The following ROBO1 variants were observed in gnomAD, a reference collection of about 807,000 sequenced individuals.
ROBO1 encodes the protein roundabout homolog 1.
ROBO1 carries 149 observed loss-of-function variants against 195.9 expected under a neutral mutation model. That is an observed-to-expected ratio of 0.76 (90% CI 0.67 to 0.87). ROBO1 has a LOEUF of 0.87. Among genes scored for constraint, ROBO1 ranks in the 40% least tolerant of loss-of-function variants. ROBO1 has a pLI of 0.00. For synonymous variants in ROBO1, 816 were observed against 733.2 expected (o/e 1.11, Z -1.82); for missense variants, 1,933 against 2,068.3 (o/e 0.93, Z 1.27).
Position 78,938,797 on chromosome 3 carries a change from C to A in ROBO1, c.303G>T (p.Trp101Cys). 6.2e-7 allele frequency: 1 copy of A among 1,614,002 alleles called. No homozygotes were observed. The highest frequency in any genetic ancestry group is 1.1e-5 in the South Asian group (1 of 91,086). The change falls in exon 4 of 31, where the codon TGG becomes TGT. Residue 101 changes from tryptophan to cysteine, a missense_variant. Around this residue, in one of 3 missense-constraint regions of ROBO1, gnomAD observed 185 missense variants for 159.5 expected, o/e 1.16. Coordinates refer to ENST00000464233, the MANE Select transcript of ROBO1 (RefSeq NM_002941.4). ...TCTCCACTCTCTCTCCCCCTTTGTA[C>A]CATTCAATAGTGGGTGTGGGGCGGC... Reference protein sequence around the residue: ...AEGRPTPTIEWYKGGERVETD... With the variant: ...AEGRPTPTIECYKGGERVETD...
intron 2 of ROBO1, among the ~76,000 whole-genome samples, chr3:79,257,488 G>A (rs367741449): frequency 1.2e-4 from 18 of 152,142 alleles, no homozygotes; most frequent in African/African-American, 4.1e-4. Flanking sequence ...GTGAATCTTC[G>A]GTTTGTACTA....
intron 3 of ROBO1, among the ~76,000 whole-genome samples, chr3:79,064,417 A>G (rs1431489732): frequency 6.6e-6 from 1 of 151,886 alleles, no homozygotes; most frequent in Non-Finnish European, 1.5e-5. Flanking sequence ...AATCAATATA[A>G]ACCCCAATGC....
intron 4 of ROBO1, among the ~76,000 whole-genome samples, chr3:78,798,967 T>C (rs2084270369): frequency 1.3e-5 from 2 of 152,088 alleles, no homozygotes; most frequent in Admixed American, 1.3e-4. Context: ...AAACAAAGCA[T>C]GCAGGTGGAA....
At chr3:78,876,723 C>T (rs563853167) in intron 4 of ROBO1, among the ~76,000 whole-genome samples, 13 of 152,256 alleles carry the variant, frequency 8.5e-5, no homozygotes, top group Non-Finnish European at 1.6e-4. Context: ...TGGTAAAGAA[C>T]GTACTGTGGA....
At chr3:79,151,596 G>A (rs1029289104) in intron 2 of ROBO1, among the ~76,000 whole-genome samples, 6 of 151,642 alleles carry the variant, frequency 4.0e-5, no homozygotes, top group South Asian at 2.1e-4. Context: ...AATAGAAATC[G>A]GACTTAGTTT....
intron 4 of ROBO1, among the ~76,000 whole-genome samples, chr3:78,792,894 GTT>G (rs2084065780): frequency 6.6e-6 from 1 of 152,026 alleles, no homozygotes; most frequent in South Asian, 2.1e-4. Context: ...GTGCTCAGGA[GTT>G]TGAGACCAGC....
intron 2 of ROBO1, among the ~76,000 whole-genome samples, chr3:79,389,728 C>T (rs368831813): frequency 1.3e-5 from 2 of 151,950 alleles, no homozygotes; most frequent in Non-Finnish European, 2.9e-5. Flanking sequence ...AATATAGGAA[C>T]AAACTTGTCA....
In ROBO1 at chr3:78,916,138, C is replaced by T. The variant is rs543936324; in HGVS notation, c.499+22463G>A. ...TGGTGGCGGCGCCTGTAGTCGCAGC[C>T]ACTCGGGAGGCTGAGGCAGGAGAAT... On this transcript the variant is annotated intron_variant, in intron 4 of 30. Transcript: ENST00000464233. Among the ~76,000 whole-genome samples, 496 of 151,092 alleles carry T rather than the reference C, an allele frequency of 3.3e-3. 5 individuals carry two copies. Among genetic ancestry groups the T allele is most frequent in the Non-Finnish European group, 4.4e-3 (301 of 67,856 alleles).
At chr3:78,956,702 T>C (rs2041066939) in intron 3 of ROBO1, among the ~76,000 whole-genome samples, 1 of 152,162 alleles carries the variant, frequency 6.6e-6, no homozygotes, top group South Asian at 2.1e-4. Flanking sequence ...AGTGTACCTC[T>C]GAGCTGAAGA....
chr3:79,374,156 C>T (rs952997677), intron 2 of ROBO1, among the ~76,000 whole-genome samples: 1 of 152,082 alleles, frequency 6.6e-6, no homozygotes, highest in Non-Finnish European at 1.5e-5. Flanking sequence ...GAGTGAAATT[C>T]GGAGTTCCTT....
intron 5 of ROBO1, among the ~76,000 whole-genome samples, chr3:78,731,217 A>C (rs1308771204): frequency 6.6e-6 from 1 of 152,144 alleles, no homozygotes; most frequent in Non-Finnish European, 1.5e-5. Flanking sequence ...CAGAAAATGT[A>C]ATACAAACGG....
chr3:78,810,856 G>A (rs1267733012), intron 4 of ROBO1, among the ~76,000 whole-genome samples: 1 of 151,810 alleles, frequency 6.6e-6, no homozygotes, highest in Non-Finnish European at 1.5e-5. Flanking sequence ...CCTTCAGAAA[G>A]AAAACAAAAA....
At chr3:79,756,559 A>G (rs200190235) in intron 1 of ROBO1, among the ~76,000 whole-genome samples, 36,901 of 149,052 alleles carry the variant, frequency 0.25, 4,428 homozygotes, top group East Asian at 0.31. Flanking sequence ...TCAAAAAAAA[A>G]AAAAAAAAAA....
chr3:78,933,933 T>A (rs887998390), intron 4 of ROBO1, among the ~76,000 whole-genome samples: 1 of 152,006 alleles, frequency 6.6e-6, no homozygotes, highest in South Asian at 2.1e-4. Context: ...ATACTATATA[T>A]ACTTAAGTAT....
chr3:79,285,901 TG>T, intron 2 of ROBO1, among the ~76,000 whole-genome samples: 1 of 151,650 alleles, frequency 6.6e-6, no homozygotes, highest in East Asian at 1.9e-4. Context: ...TAAGAAGCAA[TG>T]AAAAAAAGAC....
chr3:78,599,154 C>T (rs1703016535), intron 30 of ROBO1, among the ~76,000 whole-genome samples: 2 of 152,106 alleles, frequency 1.3e-5, no homozygotes, highest in African/African-American at 2.4e-5. Context: ...CCCGGTGTTG[C>T]GTGGTGGGAC....
At chr3:79,688,118 G>A (rs1947185212) in intron 1 of ROBO1, among the ~76,000 whole-genome samples, 1 of 149,336 alleles carries the variant, frequency 6.7e-6, no homozygotes, top group African/African-American at 2.5e-5. Flanking sequence ...CTATCGCAAG[G>A]ACTAAAAACC....
At chr3:79,755,884 C>G (rs1490739371) in intron 1 of ROBO1, among the ~76,000 whole-genome samples, 2 of 152,192 alleles carry the variant, frequency 1.3e-5, no homozygotes, top group East Asian at 3.9e-4. Flanking sequence ...TGGCAGTTTG[C>G]ATGTGCAGGT....
At position 79,363,639 on chromosome 3, in the gene ROBO1, C is replaced by T. The variant is rs573234103; in HGVS notation, c.88+226185G>A. 7.9e-5 allele frequency among the ~76,000 whole-genome samples: 12 copies of T among 152,286 alleles called. No individual in the cohort carries two copies. The South Asian group carries it at 2.3e-3, about 29-fold the overall frequency. On this transcript the variant is annotated intron_variant, in intron 2 of 30. Coordinates refer to ENST00000464233, the MANE Select transcript of ROBO1 (RefSeq NM_002941.4). ...TTTCACTGAGTTCTAGGCTTCCACA[C>T]AGAAACATATGCATATGTACCCACA... is the stretch of plus-strand genomic sequence containing the variant.
Sources: gnomAD v4.1 joint callset for allele counts (sites outside exome capture counted in the v4.1 genomes callset) on GRCh38, gnomAD v4.1.1 for gene constraint, gnomAD v4.1.1 regional missense constraint, MANE v1.5 for transcripts, NCBI Gene and HGNC (gene_info 2026-07-23, HGNC 2026-07-21) for gene names.